The following FNDC3B variants were observed in gnomAD, a reference collection of about 807,000 sequenced individuals.
The protein encoded by FNDC3B is fibronectin type III domain-containing protein 3B.
Under a neutral mutation model 151.5 loss-of-function variants are expected in FNDC3B, and 12 were observed. The observed-to-expected ratio is 0.08, with a 90% CI of 0.05 to 0.13. FNDC3B has a LOEUF of 0.13. FNDC3B is among the 10% of genes least tolerant of loss of function. The pLI, the probability that FNDC3B is intolerant of heterozygous loss-of-function variation, is 1.00. For missense variants in FNDC3B, 1,214 were observed against 1,505.3 expected, an observed-to-expected ratio of 0.81 and a Z score of 3.20; for synonymous variants, 528 against 549.0, an observed-to-expected ratio of 0.96 and a Z score of 0.54.
At chr3:172,176,621 G>A (rs774065835) in intron 3 of FNDC3B, among the ~76,000 whole-genome samples, 15 of 152,188 alleles carry the variant, frequency 9.9e-5, no homozygotes, top group Non-Finnish European at 1.6e-4. Flanking sequence ...GACAATGGTC[G>A]AATGAGATAA....
At chr3:172,304,672 GGA>G (rs1027055109) in intron 9 of FNDC3B, among the ~76,000 whole-genome samples, 2 of 152,124 alleles carry the variant, frequency 1.3e-5, no homozygotes, top group Admixed American at 1.3e-4. Context: ...CAAGGTGGGT[GGA>G]TCACCTGAGG....
intron 22 of FNDC3B, among the ~76,000 whole-genome samples, chr3:172,356,153 A>G (rs1380655248): frequency 6.6e-6 from 1 of 152,188 alleles, no homozygotes; most frequent in Non-Finnish European, 1.5e-5. Flanking sequence ...TGAATCATAA[A>G]TCATTTTGTC....
intron 3 of FNDC3B, among the ~76,000 whole-genome samples, chr3:172,163,001 G>A (rs551935362): frequency 6.6e-6 from 1 of 152,318 alleles, no homozygotes; most frequent in East Asian, 1.9e-4. Flanking sequence ...AGCTGGGCAT[G>A]GTGGTTCATG....
chr3:172,068,614 G>T lies in FNDC3B; in HGVS notation c.-29+28843G>T, dbSNP rs1717621812. 1.3e-5 allele frequency among the ~76,000 whole-genome samples: 2 copies of T among 151,962 alleles called. 1 individual carries two copies. Among genetic ancestry groups the T allele is most frequent in the South Asian group, 4.2e-4 (2 of 4,816 alleles). Reference sequence around the variant, plus strand: ...AATTGTTTGTATTTTTGGAAGAGATGGGGTTCCACCATGTTGGCTAGGCTA... The same window carrying T: ...AATTGTTTGTATTTTTGGAAGAGATTGGGTTCCACCATGTTGGCTAGGCTA... On this transcript the variant is annotated intron_variant, in intron 1 of 25. Transcript: ENST00000415807.
chr3:172,326,653 G>A (rs1313500055), intron 11 of FNDC3B, among the ~76,000 whole-genome samples: 1 of 152,156 alleles, frequency 6.6e-6, no homozygotes, highest in African/African-American at 2.4e-5. Context: ...AGGTCACACA[G>A]TTCCCCTTCT....
chr3:172,102,783 G>A (rs543535789), intron 1 of FNDC3B, among the ~76,000 whole-genome samples: 114 of 152,284 alleles, frequency 7.5e-4, no homozygotes, highest in African/African-American at 2.4e-3. Flanking sequence ...TCCCCGTGCA[G>A]ATTAGAATTA....
At chr3:172,348,456 G>A (rs1369782203) in intron 21 of FNDC3B, among the ~76,000 whole-genome samples, 2 of 152,184 alleles carry the variant, frequency 1.3e-5, no homozygotes, top group Non-Finnish European at 2.9e-5. Context: ...CAATGAGTCA[G>A]TGTCACAGCA....
At chr3:172,235,224 T>G (rs1402409350) in intron 4 of FNDC3B, among the ~76,000 whole-genome samples, 1 of 152,182 alleles carries the variant, frequency 6.6e-6, no homozygotes, top group Admixed American at 6.5e-5. Flanking sequence ...GATTAATATT[T>G]CTATAACACT....
At chr3:172,073,914 CT>C (rs1367432343) in intron 1 of FNDC3B, among the ~76,000 whole-genome samples, 1 of 151,908 alleles carries the variant, frequency 6.6e-6, no homozygotes, top group Non-Finnish European at 1.5e-5. Flanking sequence ...TTTTTCTCCC[CT>C]GATCCCTTCC....
chr3:172,153,348 C>CT (rs1228421684), intron 3 of FNDC3B, among the ~76,000 whole-genome samples: 21 of 152,282 alleles, frequency 1.4e-4, no homozygotes, highest in Admixed American at 3.3e-4. Context: ...AGAGGCCAGC[C>CT]TTTTTTTCCA....
chr3:172,085,280 A>G (rs547760025), intron 1 of FNDC3B, among the ~76,000 whole-genome samples: 1 of 152,268 alleles, frequency 6.6e-6, no homozygotes, highest in East Asian at 1.9e-4. Context: ...GAACTAAGGG[A>G]TTTCACGTAA....
chr3:172,237,102 GT>G (rs1325528249), intron 4 of FNDC3B, among the ~76,000 whole-genome samples: 1 of 152,174 alleles, frequency 6.6e-6, no homozygotes, highest in East Asian at 1.9e-4. Context: ...AAGGATTGCC[GT>G]TTTTGAGAGT....
chr3:172,378,574 C>A, intron 24 of FNDC3B, 138 bp downstream of exon 24: 1 of 822,412 alleles, frequency 1.2e-6, no homozygotes, highest in Non-Finnish European at 1.8e-6. Flanking sequence ...GAAGATTGAG[C>A]AATGATGGGT....
At chr3:172,255,060 C>T (rs898593049) in intron 6 of FNDC3B, among the ~76,000 whole-genome samples, 7 of 152,198 alleles carry the variant, frequency 4.6e-5, no homozygotes, top group Admixed American at 1.3e-4. Flanking sequence ...AGGATCACCT[C>T]TCATCTGAGA....
chr3:172,365,064 G>A lies in FNDC3B; in HGVS notation c.3008+2219G>A, dbSNP rs371551849. On this transcript the variant is annotated intron_variant, in intron 23 of 25. Transcript: ENST00000415807. ...CTCAGTGTCTTGAAACTGAACTCTT[G>A]TAGTGAGTGGCCTTTTGAATTCAAG... Among the ~76,000 whole-genome samples, 3 of 152,316 alleles carry A rather than the reference G, an allele frequency of 2.0e-5. No homozygotes were observed. In the East Asian group the frequency reaches 5.8e-4, roughly 29 times the overall value.
At chr3:172,336,916 A>C (rs1196751935) in intron 15 of FNDC3B, among the ~76,000 whole-genome samples, 2 of 152,120 alleles carry the variant, frequency 1.3e-5, no homozygotes, top group African/African-American at 4.8e-5. Context: ...CGGAAAAAAA[A>C]AAAAAACAAA....
chr3:172,367,394 AACAG>A lies in FNDC3B; in HGVS notation c.3008+4554_3008+4557del, dbSNP rs139655276. ...ACATCAAACAATAAGCAGACAGTAA[AACAG>A]ACAGCAGACAGCAAAACAAAAATTA... On this transcript the variant is annotated intron_variant, in intron 23 of 25. Transcript: ENST00000415807. 5.3e-3 allele frequency among the ~76,000 whole-genome samples: 806 copies of A among 152,336 alleles called. 7 individuals carry two copies. The highest frequency in any genetic ancestry group is 0.018 in the African/African-American group (738 of 41,568).
chr3:172,287,617 A>G (rs1730095266), intron 7 of FNDC3B, among the ~76,000 whole-genome samples: 1 of 152,198 alleles, frequency 6.6e-6, no homozygotes, highest in South Asian at 2.1e-4. Flanking sequence ...GGGTTCACTC[A>G]TGGCCCCAAA....
intron 4 of FNDC3B, among the ~76,000 whole-genome samples, chr3:172,243,335 C>T (rs1035370714): frequency 6.6e-6 from 1 of 152,184 alleles, no homozygotes; most frequent in Non-Finnish European, 1.5e-5. Flanking sequence ...TGTTTTCATG[C>T]TGCTGATAAA....
Sources: allele counts gnomAD v4.1 joint callset (sites outside exome capture counted in the v4.1 genomes callset), GRCh38; gene constraint gnomAD v4.1.1; transcripts MANE v1.5; gene names NCBI Gene and HGNC (gene_info 2026-07-23, HGNC 2026-07-21).